ELMO1: variants seen among roughly 807,000 people sequenced by gnomAD.
The protein encoded by ELMO1 is engulfment and cell motility 1, also known as engulfment and cell motility protein 1.
ELMO1 carries 26 observed loss-of-function variants against 98.9 expected under a neutral mutation model. The ratio of observed to expected loss-of-function variants is 0.26; its 90% CI spans 0.19 to 0.36. ELMO1 has a LOEUF of 0.36. Ranked by LOEUF, ELMO1 falls within the 10% of genes least tolerant of loss-of-function variation. The pLI is 1.00. For missense variants in ELMO1, 627 were observed against 935.2 expected, an observed-to-expected ratio of 0.67 and a Z score of 4.30; for synonymous variants, 346 against 346.0, an observed-to-expected ratio of 1.00 and a Z score of 0.00.
chr7:37,330,402 T>G (rs1800039992), intron 2 of ELMO1, among the ~76,000 whole-genome samples: 1 of 152,200 alleles, frequency 6.6e-6, no homozygotes, highest in Non-Finnish European at 1.5e-5. Flanking sequence ...AGTTACTCTG[T>G]GTTTTATTGT....
At chr7:37,244,226 A>G (rs1794888680) in intron 7 of ELMO1, 130 bp downstream of exon 7, 1 of 998,320 alleles carries the variant, frequency 1.0e-6, no homozygotes. Flanking sequence ...ATAGAAAACA[A>G]AAATAACAAA....
At chr7:37,053,331 C>CACAG (rs1491059293) in intron 15 of ELMO1, among the ~76,000 whole-genome samples, 3 of 147,622 alleles carry the variant, frequency 2.0e-5, no homozygotes, top group Non-Finnish European at 3.0e-5. Context: ...CACACACACA[C>CACAG]AGAAAACAAC....
chr7:37,316,294 G>A (rs759407387), intron 2 of ELMO1, among the ~76,000 whole-genome samples: 15 of 152,258 alleles, frequency 9.9e-5, no homozygotes, highest in South Asian at 6.2e-4. Context: ...AAGCCCATGA[G>A]GCCAAGTCAA....
At chr7:37,275,956 A>T (rs1467107691) in intron 4 of ELMO1, among the ~76,000 whole-genome samples, 2 of 152,162 alleles carry the variant, frequency 1.3e-5, no homozygotes, top group African/African-American at 2.4e-5. Context: ...TTGGGATGTA[A>T]ACTTCATTAA....
At chr7:37,257,181 A>G (rs2130783821) in intron 6 of ELMO1, among the ~76,000 whole-genome samples, 1 of 152,328 alleles carries the variant, frequency 6.6e-6, no homozygotes, top group East Asian at 1.9e-4. Context: ...GACGCTCCAC[A>G]GTCACACCAG....
chr7:37,261,669 C>G (rs999987777), intron 5 of ELMO1, among the ~76,000 whole-genome samples: 3 of 152,078 alleles, frequency 2.0e-5, no homozygotes, highest in African/African-American at 7.2e-5. Flanking sequence ...GTGGCACAAT[C>G]TCGACTCACT....
intron 13 of ELMO1, among the ~76,000 whole-genome samples, chr7:37,184,189 G>A (rs1197330181): frequency 6.6e-6 from 1 of 152,218 alleles, no homozygotes; most frequent in Admixed American, 6.5e-5. Context: ...GTTAGGTGGT[G>A]AAGATTCTGG....
intron 13 of ELMO1, among the ~76,000 whole-genome samples, chr7:37,182,145 C>A (rs1233344456): frequency 6.6e-6 from 1 of 152,222 alleles, no homozygotes; most frequent in African/African-American, 2.4e-5. Context: ...CCCGAGGCTC[C>A]TAAGTCCAAA....
At chr7:37,401,840 G>C (rs189819641) in intron 1 of ELMO1, among the ~76,000 whole-genome samples, 3 of 152,230 alleles carry the variant, frequency 2.0e-5, no homozygotes, top group African/African-American at 7.2e-5. Flanking sequence ...ATATGAGAGA[G>C]ACTCCTTCCC....
intron 16 of ELMO1, among the ~76,000 whole-genome samples, chr7:36,986,769 C>T (rs756596088): frequency 1.3e-5 from 2 of 152,168 alleles, no homozygotes; most frequent in Non-Finnish European, 2.9e-5. Flanking sequence ...GCCATGTACA[C>T]ACAAGGCATG....
chr7:37,133,641 A>G (rs1028539713), intron 13 of ELMO1, among the ~76,000 whole-genome samples: 13 of 152,294 alleles, frequency 8.5e-5, no homozygotes, highest in African/African-American at 3.1e-4. Context: ...CTCCAAGGAA[A>G]CCACGACCTA....
chr7:36,857,430 C>T (rs747518735), intron 21 of ELMO1, among the ~76,000 whole-genome samples: 9 of 152,088 alleles, frequency 5.9e-5, no homozygotes, highest in Non-Finnish European at 1.2e-4. Context: ...TCTCAAAGGC[C>T]CCTTCCAGCT....
At chr7:37,379,848 C>T (rs1802513619) in intron 1 of ELMO1, among the ~76,000 whole-genome samples, 1 of 152,158 alleles carries the variant, frequency 6.6e-6, no homozygotes, top group Non-Finnish European at 1.5e-5. Flanking sequence ...GGATAAGGTA[C>T]TGCAGACCTT....
intron 16 of ELMO1, among the ~76,000 whole-genome samples, chr7:36,935,408 A>G (rs1445482952): frequency 7.4e-6 from 1 of 135,324 alleles, no homozygotes; most frequent in Admixed American, 7.0e-5. Context: ...TGTCCCTTCT[A>G]AAAAAAAATA....
At chr7:37,352,727 C>G (rs550435045) in intron 1 of ELMO1, among the ~76,000 whole-genome samples, 21 of 152,222 alleles carry the variant, frequency 1.4e-4, no homozygotes, top group Non-Finnish European at 2.8e-4. Flanking sequence ...GAAAGTAGCC[C>G]AATTCTTTTG....
chr7:37,070,446 G>C (rs971328765), intron 15 of ELMO1, among the ~76,000 whole-genome samples: 1 of 152,288 alleles, frequency 6.6e-6, no homozygotes, highest in African/African-American at 2.4e-5. Context: ...TATCAATTTA[G>C]TTCACTGAAA....
In ELMO1 at chr7:37,167,301, A is replaced by G. The variant is rs904078393; in HGVS notation, c.1087-34067T>C. Among the ~76,000 whole-genome samples the G allele has an allele frequency of 5.9e-5, 9 of 152,214 alleles. No homozygotes were observed. In the South Asian group the frequency reaches 1.2e-3, roughly 21 times the overall value. On this transcript the variant is annotated intron_variant, in intron 13 of 21. Transcript: ENST00000310758. ...TCTTGACTCTTTATCCAATTTGCCA[A>G]TCTGTGTCATTTAATTGAAGCATTT...
At chr7:36,915,274 G>A (rs1418714382) in intron 16 of ELMO1, among the ~76,000 whole-genome samples, 1 of 152,124 alleles carries the variant, frequency 6.6e-6, no homozygotes, top group African/African-American at 2.4e-5. Flanking sequence ...CTAATAAAAG[G>A]CTAAGCTTAC....
chr7:37,003,820 G>A (rs917798442), intron 16 of ELMO1, among the ~76,000 whole-genome samples: 6 of 152,190 alleles, frequency 3.9e-5, no homozygotes, highest in South Asian at 2.1e-4. Flanking sequence ...TTGTTTTGGC[G>A]TCTTTGCAAA....
Sources: gnomAD v4.1 joint callset for allele counts (sites outside exome capture counted in the v4.1 genomes callset) on GRCh38, gnomAD v4.1.1 for gene constraint, MANE v1.5 for transcripts, NCBI Gene and HGNC (gene_info 2026-07-23, HGNC 2026-07-21) for gene names.